The following VWA3B variants were observed in gnomAD, a reference collection of about 807,000 sequenced individuals.
VWA3B encodes the protein von Willebrand factor A domain-containing protein 3B.
In VWA3B, 138 loss-of-function variants were observed where a neutral mutation model predicts 158.3. The observed-to-expected ratio is 0.87, with a 90% confidence interval of 0.76 to 1.00. VWA3B has a LOEUF of 1.00. Ranked by LOEUF, VWA3B falls within the 50% of genes least tolerant of loss-of-function variation. VWA3B has a pLI of 0.00. For missense variants in VWA3B, 1,555 were observed against 1,565.1 expected (o/e 0.99, Z 0.11); for synonymous variants, 596 against 587.3 (o/e 1.01, Z -0.21).
intron 2 of VWA3B, among the ~76,000 whole-genome samples, chr2:98,112,630 C>CTT (rs1176227837): frequency 6.6e-6 from 1 of 151,406 alleles, no homozygotes; most frequent in Non-Finnish European, 1.5e-5. Flanking sequence ...TTTTGGTTTT[C>CTT]TTTGTACATA....
chr2:98,301,364 G>C (rs1236190831), intron 25 of VWA3B, among the ~76,000 whole-genome samples: 1 of 151,864 alleles, frequency 6.6e-6, no homozygotes, highest in Non-Finnish European at 1.5e-5. Flanking sequence ...CTCTTTATTG[G>C]TTGTCTGACC....
chr2:98,188,382 A>T (rs972262812), intron 10 of VWA3B, among the ~76,000 whole-genome samples: 3 of 152,134 alleles, frequency 2.0e-5, no homozygotes, highest in African/African-American at 7.2e-5. Context: ...TTAGCTTTTT[A>T]AAAATATACA....
chr2:98,104,935 G>C (rs1683332607), intron 2 of VWA3B, among the ~76,000 whole-genome samples: 1 of 152,122 alleles, frequency 6.6e-6, no homozygotes, highest in East Asian at 1.9e-4. Flanking sequence ...CCTGTCCTTG[G>C]TGTTACTGTT....
At chr2:98,101,923 G>T (rs1015759494) in intron 2 of VWA3B, among the ~76,000 whole-genome samples, 2 of 151,282 alleles carry the variant, frequency 1.3e-5, no homozygotes, top group Admixed American at 1.3e-4. Context: ...TCTCAGAGAG[G>T]GGGATGTGGC....
chr2:98,192,137 A>G (rs1449605304), intron 10 of VWA3B: 1 of 152,288 alleles, frequency 6.6e-6, no homozygotes, highest in Non-Finnish European at 1.5e-5. Context: ...GCAGTCAGCC[A>G]GATTAGAAGA....
intron 22 of VWA3B, among the ~76,000 whole-genome samples, chr2:98,283,536 A>G (rs1395958334): frequency 6.6e-6 from 1 of 152,240 alleles, no homozygotes; most frequent in Non-Finnish European, 1.5e-5. Context: ...CACTTTACAC[A>G]GTCTTCCATT....
At chr2:98,195,205 T>C (rs1681939825) in intron 12 of VWA3B, among the ~76,000 whole-genome samples, 1 of 152,196 alleles carries the variant, frequency 6.6e-6, no homozygotes, top group Non-Finnish European at 1.5e-5. Flanking sequence ...CCCAGCTCCT[T>C]GGGAGGCTGA....
intron 13 of VWA3B, chr2:98,217,024 C>T: frequency 1.6e-6 from 2 of 1,240,708 alleles, no homozygotes; most frequent in Non-Finnish European, 2.1e-6. Flanking sequence ...TCATGCTAAA[C>T]TGGCATGATG....
chr2:98,296,405 T>C (rs1689802837), intron 23 of VWA3B, among the ~76,000 whole-genome samples: 1 of 120,720 alleles, frequency 8.3e-6, no homozygotes, highest in East Asian at 2.0e-4. Flanking sequence ...AGTCAGTTTA[T>C]GGTAGAAATG....
In VWA3B at chr2:98,298,037, C is replaced by G; in HGVS notation, c.3282+6C>G. On this transcript the variant is annotated splice_donor_region_variant and intron_variant, in intron 24 of 27. Transcript: ENST00000477737. ...TGCCCTGCCCGCTGCTCCAGGTACC[C>G]AGTCCCTGATGTGTTCTGGGGCCCC... 7.7e-6 allele frequency: 12 copies of G among 1,549,414 alleles called. No individual in the cohort carries two copies. Among genetic ancestry groups the G allele is most frequent in the Non-Finnish European group, 1.0e-5 (12 of 1,150,288 alleles).
At chr2:98,245,337 A>C (rs1686324583) in intron 19 of VWA3B, 4 of 304,648 alleles carry the variant, frequency 1.3e-5, no homozygotes, top group South Asian at 1.2e-4. Context: ...CTGCCCCCCA[A>C]GTCCTTATGA....
chr2:98,211,959 C>A lies in VWA3B; in HGVS notation c.1767C>A (p.Ala589=). ...GAAGCTCCACAAACACCCTGAGTGC[C>A]CTGAAAACTGCTTTTGCTGATAAAG... ...KIGSSTNTLS[A]LKTAFADKET... The change falls in exon 13 of 28, where the codon GCC becomes GCA. Residue 589 remains alanine, a synonymous_variant. Transcript: ENST00000477737. 6.2e-7 allele frequency: 1 copy of A among 1,614,094 alleles called. No individual in the cohort carries two copies. The highest frequency in any genetic ancestry group is 8.5e-7 in the Non-Finnish European group (1 of 1,180,008).
intron 5 of VWA3B, among the ~76,000 whole-genome samples, chr2:98,127,493 A>T (rs1352119529): frequency 6.7e-6 from 1 of 148,688 alleles, no homozygotes; most frequent in African/African-American, 2.5e-5. Context: ...TCTGTCTCTC[A>T]ATTCAGCAGC....
chr2:98,264,390 G>A (rs1687664978), intron 21 of VWA3B, among the ~76,000 whole-genome samples: 1 of 151,950 alleles, frequency 6.6e-6, no homozygotes, highest in African/African-American at 2.4e-5. Context: ...TGCTTTCACT[G>A]CATCTCATAC....
At chr2:98,121,187 C>T in intron 4 of VWA3B, 112 bp from the exon 5 acceptor site, 2 of 1,311,940 alleles carry the variant, frequency 1.5e-6, no homozygotes, top group Non-Finnish European at 1.0e-6. Flanking sequence ...CTTTCTTTTT[C>T]AGCTCTAGAG....
At chr2:98,177,454 T>G (rs1180438512) in intron 8 of VWA3B, among the ~76,000 whole-genome samples, 1 of 152,112 alleles carries the variant, frequency 6.6e-6, no homozygotes, top group African/African-American at 2.4e-5. Flanking sequence ...AAAGGACCCC[T>G]TAGTAAGTGA....
intron 14 of VWA3B, among the ~76,000 whole-genome samples, chr2:98,221,076 G>A (rs1001282203): frequency 2.0e-5 from 3 of 151,712 alleles, no homozygotes; most frequent in African/African-American, 7.3e-5. Context: ...TGTGGCATAT[G>A]TTTACCTATG....
intron 21 of VWA3B, among the ~76,000 whole-genome samples, chr2:98,261,800 A>G (rs561731039): frequency 6.6e-6 from 1 of 151,804 alleles, no homozygotes; most frequent in African/African-American, 2.4e-5. Flanking sequence ...ATTTATGACA[A>G]GTCACTTTTG....
chr2:98,290,455 T>C, intron 22 of VWA3B, 56 bp from the exon 23 acceptor site: 2 of 1,308,580 alleles, frequency 1.5e-6, no homozygotes, highest in African/African-American at 1.5e-5. Context: ...TATTTATCAT[T>C]TTCAGCATCT....
Sources: gnomAD v4.1 joint callset for allele counts (sites outside exome capture counted in the v4.1 genomes callset) on GRCh38, gnomAD v4.1.1 for gene constraint, MANE v1.5 for transcripts, NCBI Gene and HGNC (gene_info 2026-07-23, HGNC 2026-07-21) for gene names.